Variants in TGM4 observed in about 807,000 individuals in gnomAD.
TGM4 encodes protein-glutamine gamma-glutamyltransferase 4.
In TGM4, 61 loss-of-function variants were observed where a neutral mutation model predicts 76.3. That is an observed-to-expected ratio of 0.80 (90% CI 0.65 to 0.99). The LOEUF (loss-of-function observed/expected upper bound fraction) is 0.99, where lower values mean the gene tolerates loss of function less well. Among genes scored for constraint, TGM4 ranks in the 50% least tolerant of loss-of-function variants. The pLI is 0.00. For synonymous variants in TGM4, 337 were observed against 329.8 expected (o/e 1.02, Z -0.24); for missense variants, 794 against 843.2 (o/e 0.94, Z 0.72).
rs775665195 is a variant in TGM4, at chr3:44,885,397, C to T, written c.92C>T (p.Thr31Met). Residue 31 changes from threonine to methionine, a missense_variant, in exon 2 of 14, where the codon ACG (threonine) becomes ATG (methionine). Physicochemically the swap from Thr to Met is moderately conservative, Grantham distance 81. Coordinates refer to ENST00000296125, the MANE Select transcript of TGM4 (RefSeq NM_003241.4). Reference protein sequence around the residue: ...AVSHHTWEFQTSSPVFRRGQV... With the variant: ...AVSHHTWEFQMSSPVFRRGQV... ...TCTCACCACACATGGGAGTTCCAAACGAGCAGTCCTGTGTTCCGGCGAGGA... is the reference window on the plus strand; with the variant it reads ...TCTCACCACACATGGGAGTTCCAAATGAGCAGTCCTGTGTTCCGGCGAGGA... 58 of 1,613,892 alleles carry T rather than the reference C, an allele frequency of 3.6e-5. No individual in the cohort carries two copies. Among genetic ancestry groups the T allele is most frequent in the Non-Finnish European group, 4.6e-5 (54 of 1,179,990 alleles).
chr3:44,907,303 T>A, intron 10 of TGM4, 103 bp downstream of exon 10: 183 of 806,066 alleles, frequency 2.3e-4, no homozygotes, highest in Middle Eastern at 8.2e-4. Context: ...TGAAACCCCA[T>A]CCCTACCAAA....
At chr3:44,888,800 T>C (rs1465777225) in intron 3 of TGM4, 3 of 151,990 alleles carry the variant, frequency 2.0e-5, no homozygotes, top group Non-Finnish European at 4.4e-5. Flanking sequence ...GGAAGGCTGG[T>C]TCTCCTGAGC....
rs192422509 is a variant in TGM4, at chr3:44,904,676, T to A, written c.1075+689T>A. 4.7e-3 allele frequency among the ~76,000 whole-genome samples: 720 copies of A among 152,312 alleles called. 2 individuals carry two copies. The highest frequency in any genetic ancestry group is 6.9e-3 in the Non-Finnish European group (471 of 68,022). Reference sequence around the variant, plus strand: ...GATTAGCTCAATAATTCTCAAATTTTAAAAAATTATTTGTTTATTTATTTT... The same window carrying A: ...GATTAGCTCAATAATTCTCAAATTTAAAAAAATTATTTGTTTATTTATTTT... On this transcript the variant is annotated intron_variant, in intron 9 of 13. Coordinates refer to ENST00000296125, the MANE Select transcript of TGM4 (RefSeq NM_003241.4).
intron 6 of TGM4, chr3:44,900,864 T>G (rs558715267): frequency 6.6e-6 from 1 of 152,408 alleles, no homozygotes; most frequent in South Asian, 2.1e-4. Flanking sequence ...TCCTCAGGGG[T>G]TAAGAGAGGT....
intron 6 of TGM4, among the ~76,000 whole-genome samples, chr3:44,898,255 TG>T (rs1355416011): frequency 2.2e-5 from 3 of 133,500 alleles, no homozygotes; most frequent in African/African-American, 2.9e-5. Context: ...TACTCCAGCC[TG>T]GGTGACAGAG....
chr3:44,892,002 T>TA (rs1699705790), intron 4 of TGM4, among the ~76,000 whole-genome samples: 1 of 150,940 alleles, frequency 6.6e-6, no homozygotes, highest in Non-Finnish European at 1.5e-5. Flanking sequence ...CTCATGCCTG[T>TA]AATCCCAGCA....
chr3:44,911,020 G>C lies in TGM4; in HGVS notation c.1669G>C (p.Asp557His), dbSNP rs1699997852. ...CATCAACAGCCTGGCTATATTAGAT[G>C]ATGAGCCAGTTATCAGAGGTTTCAT... ...TYINSLAILD[D>H]EPVIRGFIIA... is the part of the protein sequence containing the mutation. Residue 557 changes from aspartate to histidine, a missense_variant, in exon 12 of 14, where the codon GAT (aspartate) becomes CAT (histidine). Transcript: ENST00000296125. The C allele has an allele frequency of 1.9e-6, 3 of 1,614,078 alleles. No homozygotes were observed. The highest frequency in any genetic ancestry group is 2.5e-6 in the Non-Finnish European group (3 of 1,180,042).
chr3:44,881,063 G>A (rs1391314825), intron 1 of TGM4, among the ~76,000 whole-genome samples: 51 of 152,106 alleles, frequency 3.4e-4, no homozygotes, highest in Admixed American at 3.3e-3. Context: ...ACTATGAAGT[G>A]CACTATGGTG....
chr3:44,892,616 C>A (rs1035483996), intron 4 of TGM4, among the ~76,000 whole-genome samples: 1 of 152,104 alleles, frequency 6.6e-6, no homozygotes, highest in African/African-American at 2.4e-5. Context: ...GGTGATCTAC[C>A]TGGCTTGGCC....
At chr3:44,885,288 C>T (rs1699586729) in intron 1 of TGM4, 37 bp from the exon 2 acceptor site, 1 of 1,566,032 alleles carries the variant, frequency 6.4e-7, no homozygotes, top group South Asian at 1.2e-5. Context: ...TAAACATTCT[C>T]TGTGCTCTCT....
chr3:44,890,442 G>A, intron 3 of TGM4, 161 bp from the exon 4 acceptor site: 1 of 974,512 alleles, frequency 1.0e-6, no homozygotes, highest in Non-Finnish European at 1.5e-6. Context: ...TGCCCTTGCA[G>A]GGGCGCTCCT....
intron 1 of TGM4, among the ~76,000 whole-genome samples, chr3:44,884,225 G>T (rs916328943): frequency 6.6e-6 from 1 of 152,164 alleles, no homozygotes. Flanking sequence ...CGCTGGGGGA[G>T]AACATAAGTA....
chr3:44,893,910 C>T (rs1378434646), intron 5 of TGM4, among the ~76,000 whole-genome samples: 8 of 151,490 alleles, frequency 5.3e-5, no homozygotes, highest in African/African-American at 1.9e-4. Flanking sequence ...AAAGGTCACC[C>T]ATGGCCTTTC....
intron 2 of TGM4, 82 bp downstream of exon 2, chr3:44,885,580 A>G (rs1699594648): frequency 6.8e-7 from 1 of 1,470,450 alleles, no homozygotes; most frequent in Non-Finnish European, 9.2e-7. Flanking sequence ...CTTTCTGGTC[A>G]GTCTGAGCCA....
rs2271087 is a variant in TGM4 at position 44,887,795 on chromosome 3, G to C, written c.300G>C (p.Glu100Asp). The C allele has an allele frequency of 0.32, 518,740 of 1,613,318 alleles. 93,229 individuals are homozygous for C. Among genetic ancestry groups the C allele is most frequent in the East Asian group, 0.83 (37,090 of 44,866 alleles). Residue 100 changes from glutamate to aspartate, a missense_variant and splice_region_variant, in exon 3 of 14, where the codon GAG (glutamate) becomes GAC (aspartate). Glu to Asp is a conservative substitution (Grantham distance 45). Coordinates refer to ENST00000296125, the MANE Select transcript of TGM4 (RefSeq NM_003241.4). ...QATLQNESGK[E>D]VTVAVTSSPN... Reference sequence around the variant, plus strand: ...CCCTTCAAAATGAGTCTGGCAAAGAGGTGAGCACCCACTGGGCTGGCGGGT... The same window carrying C: ...CCCTTCAAAATGAGTCTGGCAAAGACGTGAGCACCCACTGGGCTGGCGGGT...
intron 9 of TGM4, among the ~76,000 whole-genome samples, chr3:44,906,061 G>GA (rs1699918070): frequency 3.3e-5 from 5 of 152,208 alleles, no homozygotes; most frequent in African/African-American, 1.2e-4. Flanking sequence ...AGGCCAGAGA[G>GA]GGAGGGTGGG....
chr3:44,893,209 C>T (rs949283121), intron 4 of TGM4, among the ~76,000 whole-genome samples: 5 of 152,156 alleles, frequency 3.3e-5, no homozygotes, highest in Non-Finnish European at 7.4e-5. Context: ...GGCCAGCTCT[C>T]CACCATGTTT....
chr3:44,887,742 C>A lies in TGM4; in HGVS notation c.247C>A (p.Pro83Thr). The A allele has an allele frequency of 1.2e-6, 2 of 1,614,144 alleles. No homozygotes were observed. The highest frequency in any genetic ancestry group is 1.7e-6 in the Non-Finnish European group (2 of 1,180,034). The change falls in exon 3 of 14, where the codon CCC becomes ACC. Residue 83 changes from proline (P) to threonine (T), a missense_variant. Transcript: ENST00000296125. ...HTLVVLDPRTPSDHYNWQATL... is the reference protein window; with the variant it reads ...HTLVVLDPRTTSDHYNWQATL... ...CCTGGTGGTGCTCGACCCGAGGACG[C>A]CCTCAGACCACTACAACTGGCAGGC...
chr3:44,901,570 G>T lies in TGM4; in HGVS notation c.704G>T (p.Gly235Val). The change falls in exon 7 of 14, where the codon GGG becomes GTG. Residue 235 changes from glycine to valine, a missense_variant. Transcript: ENST00000296125. ...GGCGTGCTCATTGGGAATTGGACTG[G>T]GGACTACGAAGGTGGCACAGCCCCA... is the stretch of plus-strand genomic sequence containing the variant. Reference protein sequence around the residue: ...GQGVLIGNWTGDYEGGTAPYK... With the variant: ...GQGVLIGNWTVDYEGGTAPYK... 6.2e-7 allele frequency: 1 copy of T among 1,613,946 alleles called. No homozygotes were observed. Among genetic ancestry groups the T allele is most frequent in the Non-Finnish European group, 8.5e-7 (1 of 1,179,924 alleles).
Sources: gnomAD v4.1 joint callset for allele counts (sites outside exome capture counted in the v4.1 genomes callset) on GRCh38, gnomAD v4.1.1 for gene constraint, MANE v1.5 for transcripts, NCBI Gene and HGNC (gene_info 2026-07-23, HGNC 2026-07-21) for gene names.